The following SCAPER variants were observed in gnomAD, a reference collection of about 807,000 sequenced individuals.
SCAPER encodes S-phase cyclin A associated protein in the ER.
A neutral mutation model predicts 182.2 loss-of-function variants in SCAPER; 98 were observed. The ratio of observed to expected loss-of-function variants is 0.54; its 90% CI spans 0.46 to 0.64. The LOEUF (loss-of-function observed/expected upper bound fraction) is 0.64. SCAPER is among the 30% of genes least tolerant of loss of function. SCAPER has a pLI of 0.00. For synonymous variants in SCAPER, 605 were observed against 564.6 expected (o/e 1.07, Z -1.01); for missense variants, 1,432 against 1,690.0 (o/e 0.85, Z 2.68).
intron 23 of SCAPER, among the ~76,000 whole-genome samples, chr15:76,513,154 T>A (rs1044793631): frequency 4.6e-5 from 7 of 152,212 alleles, no homozygotes; most frequent in Non-Finnish European, 8.8e-5. Flanking sequence ...ATCTGACTCA[T>A]CTTTGCAGCC....
intron 4 of SCAPER, among the ~76,000 whole-genome samples, chr15:76,849,346 T>C (rs924780291): frequency 1.3e-5 from 2 of 152,306 alleles, no homozygotes; most frequent in African/African-American, 4.8e-5. Context: ...AAGTGCCTTA[T>C]CCACGCCTTC....
intron 4 of SCAPER, among the ~76,000 whole-genome samples, chr15:76,848,966 C>G (rs2070431255): frequency 6.6e-6 from 1 of 152,092 alleles, no homozygotes; most frequent in South Asian, 2.1e-4. Context: ...GAAGAGGCTC[C>G]CAAAGGCATA....
At chr15:76,423,971 T>C (rs1308272821) in intron 26 of SCAPER, among the ~76,000 whole-genome samples, 1 of 152,256 alleles carries the variant, frequency 6.6e-6, no homozygotes, top group Non-Finnish European at 1.5e-5. Context: ...TTGATTGCAC[T>C]GTGGTCTGAG....
intron 23 of SCAPER, among the ~76,000 whole-genome samples, chr15:76,531,955 G>C (rs910359401): frequency 6.6e-6 from 1 of 152,194 alleles, no homozygotes; most frequent in African/African-American, 2.4e-5. Context: ...TTCTCTGATA[G>C]AGATGATTAG....
intron 23 of SCAPER, among the ~76,000 whole-genome samples, chr15:76,512,045 G>A (rs1364229669): frequency 1.3e-5 from 2 of 151,512 alleles, no homozygotes; most frequent in African/African-American, 4.8e-5. Context: ...AACATGCCCG[G>A]CTAATTTTTG....
rs544099432 is a variant in SCAPER at position 76,841,609 on chromosome 15, T to C, written c.393+125A>G. 12 of 963,282 alleles carry C rather than the reference T, an allele frequency of 1.2e-5. No homozygotes were observed. The African/African-American group carries it at 1.8e-4, about 15-fold the overall frequency. 59.7% of individuals were successfully genotyped at this position (963,282 alleles called of 1,614,324 possible). A position where few individuals can be genotyped will look rare whatever the true frequency, so the allele number is the denominator to read the frequency against. On this transcript the variant is annotated intron_variant, in intron 5 of 31. Transcript: ENST00000563290. The stretch of plus-strand genomic sequence containing the variant: ...TTGTAATGAGCCAAGATCGCGTCAC[T>C]ACACTCCAGCCTGGGCGACAGAGCA...
chr15:76,725,982 C>T lies in SCAPER; in HGVS notation c.2165+2613G>A, dbSNP rs534788973. ...AAAGTAAAGGCAACAAAAACAACAACAACAAAAATAGAGAAATTGAACTAT... is the reference window on the plus strand; with the variant it reads ...AAAGTAAAGGCAACAAAAACAACAATAACAAAAATAGAGAAATTGAACTAT... On this transcript the variant is annotated intron_variant, in intron 17 of 31. Transcript: ENST00000563290. Among the ~76,000 whole-genome samples, 21 of 149,998 alleles carry T rather than the reference C, an allele frequency of 1.4e-4. No individual in the cohort carries two copies. In the East Asian group the frequency reaches 2.2e-3, roughly 15 times the overall value.
intron 25 of SCAPER, among the ~76,000 whole-genome samples, chr15:76,441,174 G>C (rs1398391366): frequency 2.0e-5 from 3 of 151,640 alleles, no homozygotes; most frequent in Non-Finnish European, 4.4e-5. Context: ...ACCCGCCTTG[G>C]CCTCCCAAAG....
chr15:76,721,306 C>A (rs960993857), intron 17 of SCAPER, among the ~76,000 whole-genome samples: 8 of 152,126 alleles, frequency 5.3e-5, no homozygotes, highest in African/African-American at 1.9e-4. Flanking sequence ...GGTACCAGTA[C>A]CATGCTGTTT....
At chr15:76,481,724 T>G (rs986832725) in intron 24 of SCAPER, among the ~76,000 whole-genome samples, 2 of 152,236 alleles carry the variant, frequency 1.3e-5, no homozygotes, top group African/African-American at 4.8e-5. Flanking sequence ...ACATTTATAG[T>G]CATCACTTAC....
chr15:76,385,030 T>C (rs1378541081), intron 27 of SCAPER: 3 of 152,236 alleles, frequency 2.0e-5, no homozygotes, highest in African/African-American at 7.2e-5. Context: ...TTTTACCAGA[T>C]TTTAAGGTGT....
At chr15:76,526,692 T>C (rs1415781002) in intron 23 of SCAPER, among the ~76,000 whole-genome samples, 2 of 152,142 alleles carry the variant, frequency 1.3e-5, no homozygotes, top group Non-Finnish European at 2.9e-5. Flanking sequence ...TTTTTTTCCC[T>C]GTCAAGTTTA....
chr15:76,748,535 G>A (rs2061927349), intron 15 of SCAPER, among the ~76,000 whole-genome samples: 1 of 149,046 alleles, frequency 6.7e-6, no homozygotes, highest in East Asian at 2.0e-4. Flanking sequence ...TTTATGAAAA[G>A]AACATTATCA....
intron 2 of SCAPER, among the ~76,000 whole-genome samples, chr15:76,869,159 C>T (rs1229665400): frequency 6.6e-6 from 1 of 152,080 alleles, no homozygotes; most frequent in East Asian, 1.9e-4. Flanking sequence ...AACTATGAAA[C>T]TACTAAAATA....
chr15:76,502,652 C>A (rs1177415085), intron 24 of SCAPER, among the ~76,000 whole-genome samples: 1 of 152,164 alleles, frequency 6.6e-6, no homozygotes, highest in Non-Finnish European at 1.5e-5. Flanking sequence ...AGCACACCAA[C>A]ATGGCACATG....
chr15:76,674,683 G>A (rs192654328), intron 20 of SCAPER, among the ~76,000 whole-genome samples: 223 of 152,150 alleles, frequency 1.5e-3, no homozygotes, highest in African/African-American at 5.3e-3. Flanking sequence ...CACATAAAGC[G>A]ACCCTGAAAA....
intron 5 of SCAPER, among the ~76,000 whole-genome samples, chr15:76,821,763 G>A (rs1453257676): frequency 6.6e-6 from 1 of 152,104 alleles, no homozygotes. Context: ...TTAAAAATTA[G>A]TCAGGCATGG....
At chr15:76,751,776 TAGA>T (rs750648329) in intron 15 of SCAPER, among the ~76,000 whole-genome samples, 12 of 151,656 alleles carry the variant, frequency 7.9e-5, no homozygotes, top group African/African-American at 2.9e-4. Flanking sequence ...ATAAAACTCT[TAGA>T]AGAAGACACA....
At chr15:76,761,199 T>A (rs1173210538) in intron 14 of SCAPER, among the ~76,000 whole-genome samples, 2 of 152,160 alleles carry the variant, frequency 1.3e-5, no homozygotes, top group South Asian at 2.1e-4. Context: ...TCCATTGTAA[T>A]GACTCTACTT....
Sources: gnomAD v4.1 joint callset for allele counts (sites outside exome capture counted in the v4.1 genomes callset) on GRCh38, gnomAD v4.1.1 for gene constraint, MANE v1.5 for transcripts, NCBI Gene and HGNC (gene_info 2026-07-23, HGNC 2026-07-21) for gene names.